CIRSR: variants seen among roughly 807,000 people sequenced by gnomAD.
The protein encoded by CIRSR is CBF1 (RBPJ) interacting corepressor 1.
the CIRSR span, among the ~76,000 whole-genome samples, chr2:174,361,183 C>T: frequency 6.6e-6 from 1 of 152,136 alleles, no homozygotes; most frequent in South Asian, 2.1e-4. Context: ...TCAATATTTG[C>T]CTGTTTTAGG....
chr2:174,356,539 G>C, the CIRSR span, among the ~76,000 whole-genome samples: 1 of 148,818 alleles, frequency 6.7e-6, no homozygotes, highest in Non-Finnish European at 1.5e-5. Flanking sequence ...AGAAAGGAAG[G>C]AAGGAAGGAA....
At chr2:174,349,669 CATTAA>C in the CIRSR span, among the ~76,000 whole-genome samples, 1 of 149,758 alleles carries the variant, frequency 6.7e-6, no homozygotes, top group Non-Finnish European at 1.5e-5. Flanking sequence ...AGCGTGAATA[CATTAA>C]ATTAAAAAAT....
the CIRSR span, among the ~76,000 whole-genome samples, chr2:174,375,189 A>T: frequency 0.5 from 76,621 of 152,044 alleles, 21,207 homozygotes; most frequent in East Asian, 0.8. Flanking sequence ...TCACTTTTTT[A>T]AATAAATTAC....
chr2:174,387,475 G>A, the CIRSR span: 19 of 450,818 alleles, frequency 4.2e-5, no homozygotes, highest in African/African-American at 6.2e-5. Flanking sequence ...TATGAGTCAC[G>A]TGAATCTATA....
the CIRSR span, among the ~76,000 whole-genome samples, chr2:174,390,225 G>A: frequency 6.6e-5 from 10 of 152,354 alleles, no homozygotes; most frequent in East Asian, 1.9e-3. Flanking sequence ...AAAGCCACAG[G>A]GGCAGAGCTG....
chr2:174,376,321 A>G, the CIRSR span, among the ~76,000 whole-genome samples: 1 of 152,256 alleles, frequency 6.6e-6, no homozygotes, highest in Non-Finnish European at 1.5e-5. Context: ...CTGGTTACAT[A>G]AATGTTAAAA....
chr2:174,349,162 G>A, the CIRSR span: 26 of 1,438,132 alleles, frequency 1.8e-5, no homozygotes, highest in Admixed American at 2.9e-5. Flanking sequence ...TTCTCCAGTC[G>A]ATCTAATTTC....
chr2:174,354,679 TTATATATTATATAATACATATA>T, the CIRSR span, among the ~76,000 whole-genome samples: 1 of 98,536 alleles, frequency 1.0e-5, no homozygotes, highest in African/African-American at 4.1e-5. Context: ...ATTATATATT[TTATATATTATATAATACATATA>T]TTATATATAA....
At chr2:174,354,222 C>T in the CIRSR span, among the ~76,000 whole-genome samples, 2 of 150,556 alleles carry the variant, frequency 1.3e-5, no homozygotes, top group African/African-American at 4.9e-5. Flanking sequence ...ATTTAGCACA[C>T]TTTCACAATG....
the CIRSR span, among the ~76,000 whole-genome samples, chr2:174,389,904 C>A: frequency 6.6e-6 from 1 of 152,228 alleles, no homozygotes; most frequent in Non-Finnish European, 1.5e-5. Flanking sequence ...AAGGCAAGAA[C>A]TGAGGTTTGG....
the CIRSR span, among the ~76,000 whole-genome samples, chr2:174,356,398 G>T: frequency 6.6e-6 from 1 of 152,036 alleles, no homozygotes; most frequent in Admixed American, 6.6e-5. Flanking sequence ...AACACAGGAG[G>T]TTGAGGGTGC....
chr2:174,371,616 G>A, the CIRSR span, among the ~76,000 whole-genome samples: 1 of 152,192 alleles, frequency 6.6e-6, no homozygotes, highest in Non-Finnish European at 1.5e-5. Context: ...GCCCAAAGAA[G>A]CATTTTGATT....
the CIRSR span, among the ~76,000 whole-genome samples, chr2:174,356,523 GAAA>G: frequency 6.3e-5 from 9 of 142,736 alleles, no homozygotes; most frequent in East Asian, 4.2e-4. Flanking sequence ...AAGAAAGAAA[GAAA>G]GAAGAAAGGA....
the CIRSR span, among the ~76,000 whole-genome samples, chr2:174,353,908 T>C: frequency 6.6e-6 from 1 of 152,180 alleles, no homozygotes; most frequent in African/African-American, 2.4e-5. Flanking sequence ...TTTTATTAGA[T>C]ATCGAATGAA....
At chr2:174,385,502 G>A in the CIRSR span, among the ~76,000 whole-genome samples, 1 of 152,070 alleles carries the variant, frequency 6.6e-6, no homozygotes, top group Admixed American at 6.6e-5. Flanking sequence ...CTCAGATCGT[G>A]GTTTCTAAAT....
At chr2:174,388,011 A>C in the CIRSR span, among the ~76,000 whole-genome samples, 1 of 152,308 alleles carries the variant, frequency 6.6e-6, no homozygotes, top group East Asian at 1.9e-4. Flanking sequence ...AGAAAAGGGC[A>C]AAAAAATCTC....
chr2:174,364,255 C>G, the CIRSR span, among the ~76,000 whole-genome samples: 13 of 152,216 alleles, frequency 8.5e-5, no homozygotes, highest in East Asian at 2.3e-3. Flanking sequence ...TGTCTCACAT[C>G]CAGGTCACGC....
chr2:174,392,317 T>C, the CIRSR span, among the ~76,000 whole-genome samples: 2 of 152,176 alleles, frequency 1.3e-5, no homozygotes, highest in Non-Finnish European at 2.9e-5. Context: ...TTTGGGGTGA[T>C]GACAAAGTTC....
At chr2:174,391,809 T>C in the CIRSR span, among the ~76,000 whole-genome samples, 2 of 152,154 alleles carry the variant, frequency 1.3e-5, no homozygotes, top group Non-Finnish European at 2.9e-5. Context: ...TACCAATACA[T>C]GCCATACCAT....
Sources: allele counts gnomAD v4.1 joint callset (sites outside exome capture counted in the v4.1 genomes callset), GRCh38; gene constraint gnomAD v4.1.1; transcripts MANE v1.5; gene names NCBI Gene and HGNC (gene_info 2026-07-23, HGNC 2026-07-21).